Variants in CALN1 observed in about 807,000 individuals in gnomAD.
The protein encoded by CALN1 is calcium-binding protein 8.
A neutral mutation model predicts 30.6 loss-of-function variants in CALN1; 17 were observed. The observed-to-expected ratio is 0.56, with a 90% CI of 0.38 to 0.83. The LOEUF (loss-of-function observed/expected upper bound fraction) is 0.83, where lower values mean the gene tolerates loss of function less well. CALN1 is among the 40% of genes least tolerant of loss of function. The pLI, the probability that CALN1 is intolerant of heterozygous loss-of-function variation, is 0.00. For missense variants in CALN1, 291 were observed against 354.9 expected (o/e 0.82, Z 1.45); for synonymous variants, 156 against 131.4 (o/e 1.19, Z -1.28).
At chr7:71,865,048 C>A (rs1384745762) in intron 5 of CALN1, among the ~76,000 whole-genome samples, 1 of 151,852 alleles carries the variant, frequency 6.6e-6, no homozygotes, top group Non-Finnish European at 1.5e-5. Flanking sequence ...AGCAAGCAAG[C>A]AAGACAGAAA....
chr7:71,799,753 G>A (rs1787195920), intron 6 of CALN1, among the ~76,000 whole-genome samples: 1 of 152,138 alleles, frequency 6.6e-6, no homozygotes, highest in Non-Finnish European at 1.5e-5. Flanking sequence ...TGGGACTACA[G>A]GCATGAGCCG....
At chr7:72,479,115 C>T in the CALN1 span, among the ~76,000 whole-genome samples, 1 of 152,038 alleles carries the variant, frequency 6.6e-6, no homozygotes, top group East Asian at 1.9e-4. Flanking sequence ...CTCCTGACCT[C>T]GTGATCCGCC....
intron 3 of CALN1, among the ~76,000 whole-genome samples, chr7:72,273,350 A>G (rs1194425550): frequency 7.1e-6 from 1 of 141,638 alleles, no homozygotes; most frequent in Non-Finnish European, 1.5e-5. Context: ...TGAACCCAGG[A>G]GGCAGACGTT....
rs535941823 is a variant in CALN1, at chr7:71,789,732, G to A, written c.659-1830C>T. Among the ~76,000 whole-genome samples the A allele has an allele frequency of 5.9e-5, 9 of 152,098 alleles. No homozygotes were observed. In the East Asian group the frequency reaches 1.6e-3, roughly 26 times the overall value. The stretch of plus-strand genomic sequence containing the variant: ...GGTCTTGCACTTTCATTTTTATAAC[G>A]CCCATGAGAAACCATGTATAGGTCT... On this transcript the variant is annotated intron_variant, in intron 6 of 6. Coordinates refer to ENST00000395275, the MANE Select transcript of CALN1 (RefSeq NM_031468.4).
chr7:72,341,547 A>C (rs1288986794), intron 2 of CALN1, among the ~76,000 whole-genome samples: 2 of 128,598 alleles, frequency 1.6e-5, no homozygotes, highest in Non-Finnish European at 3.6e-5. Context: ...CAGACAAACA[A>C]ACAAATGCCT....
chr7:72,108,398 GATTGCTACACT>G (rs1807326102), intron 3 of CALN1, among the ~76,000 whole-genome samples: 1 of 152,222 alleles, frequency 6.6e-6, no homozygotes, highest in African/African-American at 2.4e-5. Flanking sequence ...CTGGTTTTGA[GATTGCTACACT>G]ATTGCATCCA....
chr7:72,496,783 G>A, the CALN1 span, among the ~76,000 whole-genome samples: 1 of 152,188 alleles, frequency 6.6e-6, no homozygotes, highest in African/African-American at 2.4e-5. Context: ...AGAGGCTGAG[G>A]TGGGAGGATT....
chr7:72,403,241 G>C lies in CALN1; in HGVS notation c.119+10C>G. On this transcript the variant is annotated intron_variant, in intron 2 of 6. Coordinates refer to ENST00000395275, the MANE Select transcript of CALN1 (RefSeq NM_031468.4). ...ATCTAGGTCCTTGGGTTTGGGGGAA[G>C]AAGACTTGCCAGGTGGGGAAGTCGG... is the stretch of plus-strand genomic sequence containing the variant. 6.5e-7 allele frequency: 1 copy of C among 1,546,024 alleles called. No individual in the cohort carries two copies. Among genetic ancestry groups the C allele is most frequent in the African/African-American group, 1.4e-5 (1 of 73,170 alleles).
chr7:72,029,435 T>C (rs181748785), intron 4 of CALN1, among the ~76,000 whole-genome samples: 17 of 152,182 alleles, frequency 1.1e-4, no homozygotes, highest in Admixed American at 1.1e-3. Context: ...TTTGACCCCA[T>C]TTCCTGGCCA....
intron 4 of CALN1, among the ~76,000 whole-genome samples, chr7:72,040,864 G>C (rs866383593): frequency 6.6e-6 from 1 of 152,156 alleles, no homozygotes; most frequent in African/African-American, 2.4e-5. Context: ...TTGAGGTTGG[G>C]CTTTCAGCCT....
chr7:72,232,174 G>A (rs1326269204), intron 3 of CALN1, among the ~76,000 whole-genome samples: 1 of 152,232 alleles, frequency 6.6e-6, no homozygotes. Flanking sequence ...CAGAGAGGAT[G>A]TAGGAGCATG....
At chr7:72,210,020 C>T (rs773701611) in intron 3 of CALN1, among the ~76,000 whole-genome samples, 1 of 152,178 alleles carries the variant, frequency 6.6e-6, no homozygotes, top group Non-Finnish European at 1.5e-5. Flanking sequence ...CCGAAGCCCT[C>T]GTTTCTGACG....
intron 3 of CALN1, among the ~76,000 whole-genome samples, chr7:72,221,162 G>C (rs1793260738): frequency 6.6e-6 from 1 of 152,194 alleles, no homozygotes; most frequent in African/African-American, 2.4e-5. Flanking sequence ...GTTGGCGAAA[G>C]GGTGGTGAAA....
rs74368949 is a variant in CALN1, at chr7:72,409,683, A to T, written c.-74+2375T>A. Among the ~76,000 whole-genome samples, 88 of 152,200 alleles carry T rather than the reference A, an allele frequency of 5.8e-4. 1 individual carries two copies. In the East Asian group the frequency reaches 0.011, roughly 20 times the overall value. ...TAATGTTTGGGAATGGAGAGGGATG[A>T]ACCTGCATTGTTTATGGGCATAAAT... is the stretch of plus-strand genomic sequence containing the variant. On this transcript the variant is annotated intron_variant, in intron 1 of 6. Coordinates refer to ENST00000395275, the MANE Select transcript of CALN1 (RefSeq NM_031468.4).
chr7:72,267,087 A>T (rs1269748815), intron 3 of CALN1, among the ~76,000 whole-genome samples: 2 of 152,124 alleles, frequency 1.3e-5, no homozygotes, highest in Non-Finnish European at 2.9e-5. Flanking sequence ...ATCAGATAAG[A>T]GTTGTGAGCT....
At chr7:72,044,036 C>T (rs1318545475) in intron 4 of CALN1, among the ~76,000 whole-genome samples, 1 of 152,042 alleles carries the variant, frequency 6.6e-6, no homozygotes, top group Non-Finnish European at 1.5e-5. Flanking sequence ...GTCCCCCCAC[C>T]CCCACCATGA....
chr7:72,290,468 A>C (rs531809924), intron 2 of CALN1, among the ~76,000 whole-genome samples: 1 of 152,086 alleles, frequency 6.6e-6, no homozygotes, highest in Non-Finnish European at 1.5e-5. Flanking sequence ...AGTGGTAGCA[A>C]CTCTCCTGGA....
At chr7:72,127,877 T>A (rs1323268231) in intron 3 of CALN1, among the ~76,000 whole-genome samples, 1 of 152,118 alleles carries the variant, frequency 6.6e-6, no homozygotes, top group Non-Finnish European at 1.5e-5. Flanking sequence ...GAAATTTAAT[T>A]ATGAGAAATA....
At position 72,181,416 on chromosome 7, in the gene CALN1, A is replaced by T. The variant is rs76122410; in HGVS notation, c.245-75122T>A. 3.3e-5 allele frequency among the ~76,000 whole-genome samples: 5 copies of T among 151,816 alleles called. No homozygotes were observed. The East Asian group carries it at 9.7e-4, about 29-fold the overall frequency. ...AGTGGAAATCCTTTCAGTGGCCTCC[A>T]GTTCTTAGATAACCTGTTAGTCTTT... On this transcript the variant is annotated intron_variant, in intron 3 of 6. Coordinates refer to ENST00000395275, the MANE Select transcript of CALN1 (RefSeq NM_031468.4).
Sources: allele counts gnomAD v4.1 joint callset (sites outside exome capture counted in the v4.1 genomes callset), GRCh38; gene constraint gnomAD v4.1.1; transcripts MANE v1.5; gene names NCBI Gene and HGNC (gene_info 2026-07-23, HGNC 2026-07-21).